The following OR2T6 variants were observed in gnomAD, a reference collection of about 807,000 sequenced individuals.
OR2T6 encodes olfactory receptor family 2 subfamily T member 6.
For synonymous variants in OR2T6, 174 were observed against 148.0 expected (o/e 1.18, Z -1.27); for missense variants, 424 against 391.6 (o/e 1.08, Z -0.70).
intron 1 of OR2T6, among the ~76,000 whole-genome samples, chr1:248,378,880 A>T (rs937929957): frequency 5.3e-5 from 8 of 152,016 alleles, no homozygotes; most frequent in African/African-American, 1.2e-4. Context: ...TTATATAGAA[A>T]TTTTTTTTGT....
At chr1:248,380,305 T>C (rs1223079112) in intron 1 of OR2T6, among the ~76,000 whole-genome samples, 1 of 152,032 alleles carries the variant, frequency 6.6e-6, no homozygotes, top group Non-Finnish European at 1.5e-5. Context: ...TTTATCACTC[T>C]TCTCATATCT....
intron 2 of OR2T6, among the ~76,000 whole-genome samples, chr1:248,385,225 C>T (rs181256205): frequency 7.4e-4 from 112 of 152,202 alleles, no homozygotes; most frequent in Admixed American, 1.2e-3. Context: ...TGGCCAAAAC[C>T]GAAGAGGCTT....
In OR2T6 at chr1:248,391,348, A is replaced by G. The variant is rs1661246572; in HGVS notation, c.*2813A>G. On this transcript the variant is annotated 3_prime_UTR_variant, in exon 3 of 3. Transcript: ENST00000641644. The stretch of plus-strand genomic sequence containing the variant: ...AAATTTAAATGTATATTGTGAAGTG[A>G]AAGAAGCCAATCTGAAAAGGCTGCA... 6.6e-6 allele frequency: 1 copy of G among 152,220 alleles called. No homozygotes were observed. Among genetic ancestry groups the G allele is most frequent in the African/African-American group, 2.4e-5 (1 of 41,454 alleles). 9.4% of individuals were successfully genotyped at this position (152,220 alleles called of 1,614,324 possible).
rs1030416247 is a variant in OR2T6 at position 248,388,053 on chromosome 1, T to C, written c.445T>C (p.Trp149Arg). ...CTGCTGGATGATCCTGGCCAGCTCTTGGTTCGGTGGGGCTTTGGACAGTTT... is the reference window on the plus strand; with the variant it reads ...CTGCTGGATGATCCTGGCCAGCTCTCGGTTCGGTGGGGCTTTGGACAGTTT... ...RVCWMILASS[W>R]FGGALDSFLL... Residue 149 changes from tryptophan to arginine, a missense_variant, in exon 3 of 3, where the codon TGG becomes CGG. Physicochemically the swap from Trp to Arg is moderately radical, Grantham distance 101. Coordinates refer to ENST00000641644, the MANE Select transcript of OR2T6 (RefSeq NM_001005471.2). 1.2e-6 allele frequency: 2 copies of C among 1,613,936 alleles called. No individual in the cohort carries two copies. The highest frequency in any genetic ancestry group is 1.7e-6 in the Non-Finnish European group (2 of 1,179,990).
chr1:248,377,477 T>C (rs542938763), intron 1 of OR2T6, among the ~76,000 whole-genome samples: 63 of 152,332 alleles, frequency 4.1e-4, no homozygotes, highest in Admixed American at 1.3e-3. Flanking sequence ...AAAGAGCTCA[T>C]ATTATATTTG....
chr1:248,383,366 A>G (rs1459088717), intron 1 of OR2T6, among the ~76,000 whole-genome samples: 2 of 74,514 alleles, frequency 2.7e-5, no homozygotes, highest in Non-Finnish European at 4.9e-5. Flanking sequence ...TCCTATCCTG[A>G]TGTGTTTCCT....
In OR2T6 at chr1:248,379,055, G is replaced by T. The variant is rs534722829; in HGVS notation, c.-159+3001G>T. ...CTGGATATGGTGGTCTGTGCCTATA[G>T]TCCCAGCTACGCAGGAGGCTGAGGT... On this transcript the variant is annotated intron_variant, in intron 1 of 2. Coordinates refer to ENST00000641644, the MANE Select transcript of OR2T6 (RefSeq NM_001005471.2). Among the ~76,000 whole-genome samples the T allele has an allele frequency of 8.5e-5, 13 of 152,158 alleles. No homozygotes were observed. In the East Asian group the frequency reaches 1.4e-3, roughly 16 times the overall value.
chr1:248,387,572 G>T (rs1228713661), intron 2 of OR2T6, 33 bp from the exon 3 acceptor site: 2 of 1,267,770 alleles, frequency 1.6e-6, no homozygotes, highest in South Asian at 1.7e-5. Context: ...CATTGACCCT[G>T]CTTCTCTTCT....
rs1293789879 is a variant in OR2T6, at chr1:248,383,700, A to C, written c.-158-1011A>C. Among the ~76,000 whole-genome samples, 27 of 81,042 alleles carry C rather than the reference A, an allele frequency of 3.3e-4. 1 individual carries two copies. The highest frequency in any genetic ancestry group is 2.9e-3 in the African/African-American group (24 of 8,146). The allele number at this position is 81,042 out of a possible 152,430, so 53.2% of individuals were successfully genotyped here. On this transcript the variant is annotated intron_variant, in intron 1 of 2. Transcript: ENST00000641644. Reference sequence around the variant, plus strand: ...GCACTAGCCTGAGTGTGCTCATCCTATCCTGATGTGTTTCCTAGTGTTATC... The same window carrying C: ...GCACTAGCCTGAGTGTGCTCATCCTCTCCTGATGTGTTTCCTAGTGTTATC...
In OR2T6 at chr1:248,386,543, AT is replaced by A. The variant is rs1356331662; in HGVS notation, c.-4-1061del. Among the ~76,000 whole-genome samples, 62 of 152,236 alleles carry A rather than the reference AT, an allele frequency of 4.1e-4. 1 individual carries two copies. Among genetic ancestry groups the A allele is most frequent in the Non-Finnish European group, 5.6e-4 (38 of 68,046 alleles). On this transcript the variant is annotated intron_variant, in intron 2 of 2. Coordinates refer to ENST00000641644, the MANE Select transcript of OR2T6 (RefSeq NM_001005471.2). ...GAGATAAAAAGAAAAAAACAGAAAG[AT>A]CATAATGAACATGTTAAAGTTAAAC...
In OR2T6 at chr1:248,387,742, T is replaced by A. The variant is rs549952457; in HGVS notation, c.134T>A (p.Met45Lys). The change falls in exon 3 of 3, where the codon ATG (methionine) becomes AAG (lysine). Residue 45 changes from methionine (M) to lysine (K), a missense_variant. Coordinates refer to ENST00000641644, the MANE Select transcript of OR2T6 (RefSeq NM_001005471.2). ...FFMAMIANGV[M>K]IFLINIDPHL... Reference sequence around the variant, plus strand: ...ATGGCCATGATAGCTAATGGGGTCATGATCTTCCTGATTAACATAGACCCT... The same window carrying A: ...ATGGCCATGATAGCTAATGGGGTCAAGATCTTCCTGATTAACATAGACCCT... 1 of 1,613,272 alleles carries A rather than the reference T, an allele frequency of 6.2e-7. No homozygotes were observed. The highest frequency in any genetic ancestry group is 1.1e-5 in the South Asian group (1 of 91,062).
Position 248,388,598 on chromosome 1 carries a change from C to A in OR2T6, c.*63C>A. The stretch of plus-strand genomic sequence containing the variant: ...CTAAAACCTCCACATCCTGTTCAGG[C>A]ATATATGGGGTCGTATCATGGATAC... On this transcript the variant is annotated 3_prime_UTR_variant, in exon 3 of 3. Transcript: ENST00000641644. 1 of 1,277,230 alleles carries A rather than the reference C, an allele frequency of 7.8e-7. No homozygotes were observed. The highest frequency in any genetic ancestry group is 1.1e-6 in the Non-Finnish European group (1 of 923,992). 79.1% of individuals were successfully genotyped at this position (1,277,230 alleles called of 1,614,324 possible). A position where few individuals can be genotyped will look rare whatever the true frequency, so the allele number is the denominator to read the frequency against.
At position 248,389,394 on chromosome 1, in the gene OR2T6, C is replaced by T. The variant is rs1487895585; in HGVS notation, c.*859C>T. 6.6e-6 allele frequency: 1 copy of T among 152,138 alleles called. No homozygotes were observed. The highest frequency in any genetic ancestry group is 1.5e-5 in the Non-Finnish European group (1 of 68,030). 9.4% of individuals were successfully genotyped at this position (152,138 alleles called of 1,614,324 possible). ...TCTCTTTTAAAAAAGTAGTAGACAG[C>T]GTCATATTTTTCCTTCTCTATAGCA... On this transcript the variant is annotated 3_prime_UTR_variant, in exon 3 of 3. Transcript: ENST00000641644.
intron 1 of OR2T6, among the ~76,000 whole-genome samples, chr1:248,376,640 AT>A (rs67609220): frequency 0.2 from 30,957 of 151,548 alleles, 3,421 homozygotes; most frequent in East Asian, 0.41. Flanking sequence ...TATGTATTTA[AT>A]TTTTTTAATT....
chr1:248,386,789 C>T (rs1661142468), intron 2 of OR2T6, among the ~76,000 whole-genome samples: 2 of 152,178 alleles, frequency 1.3e-5, no homozygotes, highest in South Asian at 4.1e-4. Flanking sequence ...TGTAGGAACA[C>T]CCTAGCCCTA....
chr1:248,388,455 C>G lies in OR2T6; in HGVS notation c.847C>G (p.Pro283Ala). Residue 283 changes from proline to alanine, a missense_variant, in exon 3 of 3, where the codon CCC becomes GCC. By Grantham distance (27) the Pro-to-Ala change is conservative. Transcript: ENST00000641644. ...CTCTGCCTTTTATACCATCCTCACA[C>G]CCTTATTAAACCCTCTCATCTACAG... ...VFSAFYTILT[P>A]LLNPLIYSLR... is the part of the protein sequence containing the mutation. 6.2e-7 allele frequency: 1 copy of G among 1,612,150 alleles called. No homozygotes were observed. The highest frequency in any genetic ancestry group is 8.5e-7 in the Non-Finnish European group (1 of 1,178,914).
chr1:248,388,612 T>C lies in OR2T6; in HGVS notation c.*77T>C. On this transcript the variant is annotated 3_prime_UTR_variant, in exon 3 of 3. Coordinates refer to ENST00000641644, the MANE Select transcript of OR2T6 (RefSeq NM_001005471.2). Reference sequence around the variant, plus strand: ...TCCTGTTCAGGCATATATGGGGTCGTATCATGGATACCACGGATGATGCTG... The same window carrying C: ...TCCTGTTCAGGCATATATGGGGTCGCATCATGGATACCACGGATGATGCTG... The C allele has an allele frequency of 1.8e-6, 2 of 1,096,106 alleles. No homozygotes were observed. Among genetic ancestry groups the C allele is most frequent in the African/African-American group, 1.6e-5 (1 of 63,884 alleles). 67.9% of individuals were successfully genotyped at this position (1,096,106 alleles called of 1,614,324 possible). A position where few individuals can be genotyped will look rare whatever the true frequency, so the allele number is the denominator to read the frequency against.
At chr1:248,386,715 CTT>C (rs1208011846) in intron 2 of OR2T6, among the ~76,000 whole-genome samples, 1 of 152,198 alleles carries the variant, frequency 6.6e-6, no homozygotes, top group East Asian at 1.9e-4. Flanking sequence ...CCTGAACTGA[CTT>C]TTGTTTCCTG....
chr1:248,377,144 C>T (rs1275041723), intron 1 of OR2T6, among the ~76,000 whole-genome samples: 3 of 152,196 alleles, frequency 2.0e-5, no homozygotes, highest in African/African-American at 7.2e-5. Context: ...ATAACACTTC[C>T]TGTGAGGTTA....
Sources: gnomAD v4.1 joint callset for allele counts (sites outside exome capture counted in the v4.1 genomes callset) on GRCh38, gnomAD v4.1.1 for gene constraint, MANE v1.5 for transcripts, NCBI Gene and HGNC (gene_info 2026-07-23, HGNC 2026-07-21) for gene names.